Variants in CSRNP3 observed in about 807,000 individuals in gnomAD.
CSRNP3 encodes cysteine/serine-rich nuclear protein 3.
CSRNP3 carries 12 observed loss-of-function variants against 48.0 expected under a neutral mutation model. The ratio of observed to expected loss-of-function variants is 0.25; its 90% CI spans 0.16 to 0.41. The LOEUF (loss-of-function observed/expected upper bound fraction) is 0.41, where lower values mean the gene tolerates loss of function less well. Ranked by LOEUF, CSRNP3 falls within the 10% of genes least tolerant of loss-of-function variation. CSRNP3 has a pLI of 1.00. For missense variants in CSRNP3, 580 were observed against 724.4 expected, an observed-to-expected ratio of 0.80 and a Z score of 2.29; for synonymous variants, 263 against 269.7, an observed-to-expected ratio of 0.98 and a Z score of 0.24.
rs1170202852 is a variant in CSRNP3 at position 165,536,455 on chromosome 2, A to G, written c.-24+18494A>G. ...CTTTCACATGATTCTGCCTGTCAAA[A>G]AACATGCTAGTACTCAATGACAACA... On this transcript the variant is annotated intron_variant, in intron 3 of 6. Transcript: ENST00000651982. 3.9e-5 allele frequency among the ~76,000 whole-genome samples: 6 copies of G among 152,080 alleles called. No homozygotes were observed. The East Asian group carries it at 1.2e-3, about 29-fold the overall frequency.
At chr2:165,643,693 T>C (rs1449063241) in intron 4 of CSRNP3, among the ~76,000 whole-genome samples, 2 of 152,234 alleles carry the variant, frequency 1.3e-5, no homozygotes, top group East Asian at 3.8e-4. Context: ...AGTTCTATCA[T>C]GATTTCATAT....
intron 4 of CSRNP3, among the ~76,000 whole-genome samples, chr2:165,619,532 G>T (rs1228389073): frequency 6.6e-6 from 1 of 152,098 alleles, no homozygotes. Flanking sequence ...GAAAGTGGCA[G>T]AAATCTCTAG....
intron 1 of CSRNP3, among the ~76,000 whole-genome samples, chr2:165,470,562 T>C (rs1434021879): frequency 6.6e-6 from 1 of 152,038 alleles, no homozygotes; most frequent in Non-Finnish European, 1.5e-5. Context: ...TTGTTGATAA[T>C]ATCTCTAGGC....
At chr2:165,499,261 T>C (rs1684325963) in intron 2 of CSRNP3, among the ~76,000 whole-genome samples, 1 of 152,180 alleles carries the variant, frequency 6.6e-6, no homozygotes, top group African/African-American at 2.4e-5. Flanking sequence ...GATGATGAAA[T>C]CTGCGCCTGA....
intron 1 of CSRNP3, among the ~76,000 whole-genome samples, chr2:165,481,824 CAG>C (rs771061908): frequency 2.0e-5 from 3 of 152,104 alleles, no homozygotes; most frequent in Admixed American, 6.5e-5. Flanking sequence ...CAAACTAACA[CAG>C]GGACAGAAAA....
At chr2:165,676,666 G>A (rs1687431321) in intron 6 of CSRNP3, 58 bp downstream of exon 6, 1 of 1,510,188 alleles carries the variant, frequency 6.6e-7, no homozygotes, top group African/African-American at 1.4e-5. Context: ...ACCCCCTAAG[G>A]AGGCAGTCAT....
chr2:165,596,115 C>A (rs897392853), intron 4 of CSRNP3, among the ~76,000 whole-genome samples: 3 of 150,626 alleles, frequency 2.0e-5, no homozygotes, highest in Admixed American at 2.0e-4. Flanking sequence ...CCACTGCATC[C>A]AGCCTATGTT....
chr2:165,605,396 T>C (rs946403873), intron 4 of CSRNP3, among the ~76,000 whole-genome samples: 4 of 152,108 alleles, frequency 2.6e-5, no homozygotes, highest in African/African-American at 9.7e-5. Context: ...TAGCCATCCC[T>C]GGTCACCTCC....
At chr2:165,579,364 C>CA (rs1414173122) in intron 3 of CSRNP3, among the ~76,000 whole-genome samples, 4 of 152,198 alleles carry the variant, frequency 2.6e-5, no homozygotes, top group Non-Finnish European at 4.4e-5. Flanking sequence ...ACGGTCTCCA[C>CA]AAAATCCCCA....
At chr2:165,483,824 T>C (rs1341681133) in intron 1 of CSRNP3, among the ~76,000 whole-genome samples, 2 of 152,182 alleles carry the variant, frequency 1.3e-5, no homozygotes, top group Non-Finnish European at 2.9e-5. Flanking sequence ...CATGACTTAC[T>C]TATGTCCCCA....
intron 4 of CSRNP3, among the ~76,000 whole-genome samples, chr2:165,647,652 T>C (rs1256412193): frequency 6.6e-6 from 1 of 152,226 alleles, no homozygotes; most frequent in African/African-American, 2.4e-5. Context: ...TTTTTGATTT[T>C]ACAATGGTGA....
At chr2:165,657,693 G>C (rs1477201031) in intron 4 of CSRNP3, 68 bp from the exon 5 acceptor site, 1 of 1,568,102 alleles carries the variant, frequency 6.4e-7, no homozygotes, top group African/African-American at 1.4e-5. Context: ...TCACCAAATG[G>C]CATTTTCTTG....
chr2:165,632,494 G>A (rs906995403), intron 4 of CSRNP3, among the ~76,000 whole-genome samples: 1 of 152,256 alleles, frequency 6.6e-6, no homozygotes, highest in Admixed American at 6.5e-5. Context: ...GAGTGACAGA[G>A]CAAGACCCTG....
At chr2:165,559,261 G>A (rs1212268060) in intron 3 of CSRNP3, among the ~76,000 whole-genome samples, 6 of 152,148 alleles carry the variant, frequency 3.9e-5, no homozygotes, top group Non-Finnish European at 2.9e-5. Flanking sequence ...TAGAAAAAGA[G>A]CTTGGTCTGT....
chr2:165,615,658 C>T (rs1162146210), intron 4 of CSRNP3, among the ~76,000 whole-genome samples: 1 of 151,432 alleles, frequency 6.6e-6, no homozygotes, highest in African/African-American at 2.4e-5. Context: ...TCTATTTTGT[C>T]TGATGTAATT....
At chr2:165,589,198 A>G (rs1174361631) in intron 3 of CSRNP3, among the ~76,000 whole-genome samples, 1 of 152,156 alleles carries the variant, frequency 6.6e-6, no homozygotes, top group Non-Finnish European at 1.5e-5. Flanking sequence ...TCGGGTATAC[A>G]ACACTTTATT....
intron 3 of CSRNP3, among the ~76,000 whole-genome samples, chr2:165,589,285 C>T (rs750177200): frequency 2.0e-5 from 3 of 152,176 alleles, no homozygotes; most frequent in Non-Finnish European, 4.4e-5. Context: ...AAGAAAACCA[C>T]ATCTCCCTTT....
At chr2:165,573,728 C>A (rs1393852506) in intron 3 of CSRNP3, among the ~76,000 whole-genome samples, 2 of 152,116 alleles carry the variant, frequency 1.3e-5, no homozygotes, top group Non-Finnish European at 2.9e-5. Flanking sequence ...CTATAGTGAC[C>A]TCATGTATTT....
chr2:165,556,085 G>A (rs1411315857), intron 3 of CSRNP3, among the ~76,000 whole-genome samples: 1 of 152,100 alleles, frequency 6.6e-6, no homozygotes, highest in Non-Finnish European at 1.5e-5. Context: ...GTCTCTTTAG[G>A]GGAAGACAGC....
Sources: gnomAD v4.1 joint callset for allele counts (sites outside exome capture counted in the v4.1 genomes callset) on GRCh38, gnomAD v4.1.1 for gene constraint, MANE v1.5 for transcripts, NCBI Gene and HGNC (gene_info 2026-07-23, HGNC 2026-07-21) for gene names.